Variants in TMOD3 observed in about 807,000 individuals in gnomAD.
TMOD3 encodes the protein tropomodulin-3.
A neutral mutation model predicts 39.2 loss-of-function variants in TMOD3; 20 were observed. That is an observed-to-expected ratio of 0.51 (90% CI 0.36 to 0.74). The LOEUF is 0.74. Among genes scored for constraint, TMOD3 ranks in the 30% least tolerant of loss-of-function variants. The pLI is 0.00. For missense variants in TMOD3, 381 were observed against 412.8 expected (o/e 0.92, Z 0.67); for synonymous variants, 143 against 145.8 (o/e 0.98, Z 0.14).
At position 51,851,578 on chromosome 15, in the gene TMOD3, G is replaced by A. The variant is rs192326404; in HGVS notation, c.-74-11233G>A. ...CTGTCATATTAGGACCATTCACAAT[G>A]TGGATCTCAAAACAGATTACGATGA... On this transcript the variant is annotated intron_variant, in intron 1 of 9. Transcript: ENST00000308580. Among the ~76,000 whole-genome samples, 354 of 152,242 alleles carry A rather than the reference G, an allele frequency of 2.3e-3. 2 individuals carry two copies. Among genetic ancestry groups the A allele is most frequent in the Non-Finnish European group, 3.4e-3 (233 of 68,020 alleles).
intron 1 of TMOD3, chr15:51,861,256 G>A: frequency 2.5e-6 from 1 of 398,976 alleles, no homozygotes; most frequent in South Asian, 2.4e-5. Context: ...AATTCAGGGA[G>A]CTGATCTTCT....
In TMOD3 at chr15:51,893,925, G is replaced by A; in HGVS notation, c.607G>A (p.Val203Ile). 6.2e-7 allele frequency: 1 copy of A among 1,606,454 alleles called. No homozygotes were observed. Among genetic ancestry groups the A allele is most frequent in the Non-Finnish European group, 8.5e-7 (1 of 1,175,272 alleles). The change falls in exon 6 of 10, where the codon GTT becomes ATT. Residue 203 changes from valine to isoleucine, a missense_variant. Transcript: ENST00000308580. The part of the protein sequence containing the change: ...TKENDAHLVE[V>I]NLNNIKNIPI... ...AGAAAACGATGCTCATCTTGTTGAA[G>A]TTAATTTGAATAATATAAAGGTAAG...
chr15:51,907,155 C>G (rs2554348), intron 9 of TMOD3: 68,932 of 151,688 alleles, frequency 0.45, 15,742 homozygotes, highest in Admixed American at 0.53. Context: ...CTTCAGTGAA[C>G]ACATGAAACT....
chr15:51,859,202 A>T (rs1255658842), intron 1 of TMOD3: 1 of 735,828 alleles, frequency 1.4e-6, no homozygotes, highest in Admixed American at 1.7e-5. Context: ...GGCCAGTCTG[A>T]TACATAGCAT....
chr15:51,871,320 A>G (rs2056473674), intron 3 of TMOD3, among the ~76,000 whole-genome samples: 2 of 152,342 alleles, frequency 1.3e-5, no homozygotes, highest in East Asian at 3.9e-4. Flanking sequence ...CTGTGCAGCC[A>G]TACGTATGTC....
intron 3 of TMOD3, among the ~76,000 whole-genome samples, chr15:51,878,376 A>ATGTGTGTGTGTGTGTGTGTG (rs10586896): frequency 0.012 from 1,766 of 147,370 alleles, 35 homozygotes; most frequent in African/African-American, 0.036. Flanking sequence ...TTTAAAATAT[A>ATGTGTGTGTGTGTGTGTGTG]TGTGTGTGTG....
intron 3 of TMOD3, among the ~76,000 whole-genome samples, chr15:51,880,781 G>A (rs1254570160): frequency 1.3e-5 from 2 of 152,120 alleles, no homozygotes; most frequent in African/African-American, 2.4e-5. Flanking sequence ...ATGCTGCTAT[G>A]AACATTTTTA....
At chr15:51,832,963 G>T (rs574435800) in intron 1 of TMOD3, among the ~76,000 whole-genome samples, 325 of 152,278 alleles carry the variant, frequency 2.1e-3, no homozygotes, top group Non-Finnish European at 3.9e-3. Context: ...TCTCTAGGCC[G>T]TGTGGCTAAA....
In TMOD3 at chr15:51,861,070, C is replaced by T. The variant is rs1002240946; in HGVS notation, c.-74-1741C>T. On this transcript the variant is annotated intron_variant, in intron 1 of 9. Transcript: ENST00000308580. ...ATCTCATCCTTCTTAAATGAATATC[C>T]AATGCGTGTTCTTCTCTGGATCTGT... 5.2e-5 allele frequency: 35 copies of T among 673,112 alleles called. No individual in the cohort carries two copies. The African/African-American group carries it at 5.4e-4, about 10-fold the overall frequency. The allele number at this position is 673,112 out of a possible 1,614,324, so 41.7% of individuals were successfully genotyped here.
At chr15:51,900,483 A>G (rs1401744873) in intron 8 of TMOD3, among the ~76,000 whole-genome samples, 185 bp downstream of exon 8, 1 of 152,158 alleles carries the variant, frequency 6.6e-6, no homozygotes, top group Non-Finnish European at 1.5e-5. Context: ...CAGTGTATAC[A>G]ATGTAAAGGT....
At chr15:51,847,472 A>G (rs955904733) in intron 1 of TMOD3, among the ~76,000 whole-genome samples, 10 of 152,246 alleles carry the variant, frequency 6.6e-5, no homozygotes, top group Middle Eastern at 3.2e-3. Context: ...CAAAGCAGCT[A>G]TCTCACTGAG....
intron 3 of TMOD3, among the ~76,000 whole-genome samples, chr15:51,880,125 A>G (rs895257406): frequency 6.6e-6 from 1 of 152,180 alleles, no homozygotes; most frequent in Non-Finnish European, 1.5e-5. Flanking sequence ...TTATTCCAGC[A>G]GTTTGCTAGT....
At chr15:51,878,892 A>G (rs1360615438) in intron 3 of TMOD3, among the ~76,000 whole-genome samples, 3 of 152,222 alleles carry the variant, frequency 2.0e-5, no homozygotes, top group Admixed American at 2.0e-4. Flanking sequence ...TCAACTCTGT[A>G]GGAATGAAGT....
chr15:51,849,564 A>G (rs2056351280), intron 1 of TMOD3, among the ~76,000 whole-genome samples: 1 of 152,172 alleles, frequency 6.6e-6, no homozygotes, highest in Admixed American at 6.5e-5. Context: ...GTCAGGGAGG[A>G]AGGACCAAGA....
chr15:51,902,157 C>A, intron 9 of TMOD3, 121 bp downstream of exon 9: 1 of 1,152,928 alleles, frequency 8.7e-7, no homozygotes, highest in Non-Finnish European at 1.2e-6. Flanking sequence ...TTTCTAAAAT[C>A]TGCATGGTCC....
intron 2 of TMOD3, among the ~76,000 whole-genome samples, chr15:51,863,213 T>C (rs1442590490): frequency 6.6e-6 from 1 of 152,226 alleles, no homozygotes; most frequent in Non-Finnish European, 1.5e-5. Flanking sequence ...CCTAAACTAC[T>C]TCAGTATCCT....
At chr15:51,856,667 C>T (rs2056389313) in intron 1 of TMOD3, among the ~76,000 whole-genome samples, 1 of 151,292 alleles carries the variant, frequency 6.6e-6, no homozygotes, top group Non-Finnish European at 1.5e-5. Context: ...TGCCAATGAA[C>T]ATATGAAAAG....
chr15:51,846,568 G>A (rs1047627324), intron 1 of TMOD3, among the ~76,000 whole-genome samples: 4 of 152,134 alleles, frequency 2.6e-5, no homozygotes, highest in African/African-American at 9.7e-5. Context: ...ACTTCCCTTT[G>A]GGGGAGAGAA....
At chr15:51,852,024 T>TA (rs2056364574) in intron 1 of TMOD3, among the ~76,000 whole-genome samples, 1 of 152,238 alleles carries the variant, frequency 6.6e-6, no homozygotes, top group Non-Finnish European at 1.5e-5. Context: ...TTCTTCCTTA[T>TA]AGTACTTATT....
Sources: gnomAD v4.1 joint callset for allele counts (sites outside exome capture counted in the v4.1 genomes callset) on GRCh38, gnomAD v4.1.1 for gene constraint, MANE v1.5 for transcripts, NCBI Gene and HGNC (gene_info 2026-07-23, HGNC 2026-07-21) for gene names.